Variants in MYH9 observed in about 807,000 individuals in gnomAD.
The protein encoded by MYH9 is myosin-9.
A neutral mutation model predicts 241.9 loss-of-function variants in MYH9; 29 were observed. The ratio of observed to expected loss-of-function variants is 0.12; its 90% CI spans 0.09 to 0.16. The LOEUF (loss-of-function observed/expected upper bound fraction) is 0.16, where lower values mean the gene tolerates loss of function less well. Among genes scored for constraint, MYH9 ranks in the 10% least tolerant of loss-of-function variants. The pLI is 1.00. For missense variants in MYH9, 1,803 were observed against 2,595.5 expected (o/e 0.69, Z 6.63); for synonymous variants, 1,047 against 1,062.6 (o/e 0.99, Z 0.29).
intron 1 of MYH9, chr22:36,364,828 G>A (rs1397122323): frequency 6.6e-6 from 1 of 152,166 alleles, no homozygotes; most frequent in Non-Finnish European, 1.5e-5. Context: ...GAGGTAGACA[G>A]GCTGCCTGTG....
rs930628356 is a variant in MYH9 at position 36,295,787 on chromosome 22, G to A, written c.3273-70C>T. The A allele has an allele frequency of 4.9e-6, 7 of 1,417,430 alleles. No individual in the cohort carries two copies. The highest frequency in any genetic ancestry group is 1.8e-4 in the Middle Eastern group (1 of 5,702). The allele number at this position is 1,417,430 out of a possible 1,614,324, so 87.8% of individuals were successfully genotyped here. A position where few individuals can be genotyped will look rare whatever the true frequency, so the allele number is the denominator to read the frequency against. On this transcript the variant is annotated intron_variant, in intron 25 of 40. Transcript: ENST00000216181. This position sits in a 1 kb window ranked among gnomAD's most constrained non-coding sequence, Gnocchi z 4.1. ...CCAAGGAGCAGAGTTTGCAGGACAG[G>A]CCTGAGAGAGCTGCAGCAGCCAAAG... is the stretch of plus-strand genomic sequence containing the variant.
chr22:36,358,891 T>C lies in MYH9; in HGVS notation c.-19-9636A>G, dbSNP rs755061125. The stretch of plus-strand genomic sequence containing the variant: ...GCTCCACACCTTCACCAGAATAAAA[T>C]CTGCATGCTAAGCAAGCCCTCTAGG... On this transcript the variant is annotated intron_variant, in intron 1 of 40. Coordinates refer to ENST00000216181, the MANE Select transcript of MYH9 (RefSeq NM_002473.6). Among the ~76,000 whole-genome samples, 63 of 152,196 alleles carry C rather than the reference T, an allele frequency of 4.1e-4. 1 individual carries two copies. The highest frequency in any genetic ancestry group is 8.8e-5 in the Non-Finnish European group (6 of 68,038).
chr22:36,380,501 G>A (rs959717828), intron 1 of MYH9, among the ~76,000 whole-genome samples: 2 of 152,208 alleles, frequency 1.3e-5, no homozygotes, highest in Non-Finnish European at 2.9e-5. Flanking sequence ...ACCACTTCGG[G>A]AGGCCAAGCC....
chr22:36,360,222 C>T lies in MYH9; in HGVS notation c.-19-10967G>A, dbSNP rs1338874473. Among the ~76,000 whole-genome samples, 5 of 152,242 alleles carry T rather than the reference C, an allele frequency of 3.3e-5. No homozygotes were observed. In the South Asian group the frequency reaches 8.3e-4, roughly 25 times the overall value. On this transcript the variant is annotated intron_variant, in intron 1 of 40. Transcript: ENST00000216181. ...ACCTGGGCCCTCTGAAAATCAGTTACCAGGAGTCTAGTGACTCTTTCTGCA... is the reference window on the plus strand; with the variant it reads ...ACCTGGGCCCTCTGAAAATCAGTTATCAGGAGTCTAGTGACTCTTTCTGCA...
intron 1 of MYH9, among the ~76,000 whole-genome samples, chr22:36,370,799 G>A (rs887350133): frequency 3.3e-5 from 5 of 152,062 alleles, no homozygotes; most frequent in Non-Finnish European, 5.9e-5. Context: ...GTAGAAGCCC[G>A]GAGCAGAGAG....
chr22:36,348,150 G>C (rs1332159079), intron 2 of MYH9, among the ~76,000 whole-genome samples: 3 of 147,504 alleles, frequency 2.0e-5, no homozygotes, highest in African/African-American at 7.4e-5. Context: ...AATTTTTAAA[G>C]ATATTTAAAA....
rs766738481 is a variant in MYH9 at position 36,349,240 on chromosome 22, G to A, written c.-4C>T. Reference sequence around the variant, plus strand: ...TATCGGCAGCTTGCTGTGCCATGGTGACTTATAGCCAGGACCTAAGCGGGG... The same window carrying A: ...TATCGGCAGCTTGCTGTGCCATGGTAACTTATAGCCAGGACCTAAGCGGGG... On this transcript the variant is annotated 5_prime_UTR_variant, in exon 2 of 41. Coordinates refer to ENST00000216181, the MANE Select transcript of MYH9 (RefSeq NM_002473.6). The A allele has an allele frequency of 3.1e-6, 5 of 1,613,922 alleles. No individual in the cohort carries two copies. Among genetic ancestry groups the A allele is most frequent in the East Asian group, 2.2e-5 (1 of 44,882 alleles).
In MYH9 at chr22:36,347,500, A is replaced by G. The variant is rs190992739; in HGVS notation, c.333+1404T>C. On this transcript the variant is annotated intron_variant, in intron 2 of 40. Coordinates refer to ENST00000216181, the MANE Select transcript of MYH9 (RefSeq NM_002473.6). ...GTAATCCCAGCACTTTGGGAGGCCCAAGCAGAAGAATCACTTGTGCTCAGG... is the reference window on the plus strand; with the variant it reads ...GTAATCCCAGCACTTTGGGAGGCCCGAGCAGAAGAATCACTTGTGCTCAGG... Among the ~76,000 whole-genome samples, 123 of 151,954 alleles carry G rather than the reference A, an allele frequency of 8.1e-4. 2 individuals are homozygous for G. The South Asian group carries it at 0.025, about 31-fold the overall frequency.
At chr22:36,376,112 C>G (rs1206734428) in intron 1 of MYH9, among the ~76,000 whole-genome samples, 1 of 151,758 alleles carries the variant, frequency 6.6e-6, no homozygotes, top group African/African-American at 2.4e-5. Flanking sequence ...CTGGCATGCA[C>G]CACCACACCC....
In MYH9 at chr22:36,285,424, A is replaced by G; in HGVS notation, c.5275-95T>C. 2 of 1,422,592 alleles carry G rather than the reference A, an allele frequency of 1.4e-6. No homozygotes were observed. The highest frequency in any genetic ancestry group is 2.0e-6 in the Non-Finnish European group (2 of 1,020,388). The allele number at this position is 1,422,592 out of a possible 1,614,324, so 88.1% of individuals were successfully genotyped here. A position where few individuals can be genotyped will look rare whatever the true frequency, so the allele number is the denominator to read the frequency against. ...GGAAGGTGGCAGCAGGATCCCACCAAACCCTTGGGGTCCAGAGTCTTGGGT... is the reference window on the plus strand; with the variant it reads ...GGAAGGTGGCAGCAGGATCCCACCAGACCCTTGGGGTCCAGAGTCTTGGGT... On this transcript the variant is annotated intron_variant, in intron 37 of 40. Coordinates refer to ENST00000216181, the MANE Select transcript of MYH9 (RefSeq NM_002473.6). The surrounding 1 kb of genome is among the most constrained non-coding windows in gnomAD (Gnocchi z 7.0).
At chr22:36,322,407 G>C in intron 6 of MYH9, 22 bp downstream of exon 6, 1 of 1,612,416 alleles carries the variant, frequency 6.2e-7, no homozygotes, top group African/African-American at 1.3e-5. Flanking sequence ...CCCCAGAGCC[G>C]GGGCGCCGCC....
chr22:36,325,429 G>A (rs1296005918), intron 5 of MYH9, among the ~76,000 whole-genome samples: 3 of 152,186 alleles, frequency 2.0e-5, no homozygotes, highest in African/African-American at 4.8e-5. Context: ...CACCGGGAGC[G>A]GCCAAGCTCC....
At position 36,330,483 on chromosome 22, in the gene MYH9, C is replaced by T. The variant is rs1440889932; in HGVS notation, c.491-2995G>A. On this transcript the variant is annotated intron_variant, in intron 3 of 40. Transcript: ENST00000216181. This position sits in a 1 kb window ranked among gnomAD's most constrained non-coding sequence, Gnocchi z 4.5. ...TTGTAATGTACAAAGCAGGTATTAT[C>T]ATCATTGTTTTGCCATCTTTCCACA... Among the ~76,000 whole-genome samples the T allele has an allele frequency of 6.6e-6, 1 of 152,176 alleles. No homozygotes were observed. The highest frequency in any genetic ancestry group is 1.5e-5 in the Non-Finnish European group (1 of 68,026).
At position 36,330,209 on chromosome 22, in the gene MYH9, A is replaced by G. The variant is rs2017400659; in HGVS notation, c.491-2721T>C. Reference sequence around the variant, plus strand: ...TTACCACTGTCAACACAGCCTAACCATACCTTAAAGAAATCTGGATTTGTT... The same window carrying G: ...TTACCACTGTCAACACAGCCTAACCGTACCTTAAAGAAATCTGGATTTGTT... On this transcript the variant is annotated intron_variant, in intron 3 of 40. Coordinates refer to ENST00000216181, the MANE Select transcript of MYH9 (RefSeq NM_002473.6). The surrounding 1 kb of genome is among the most constrained non-coding windows in gnomAD (Gnocchi z 4.5). 6.6e-6 allele frequency among the ~76,000 whole-genome samples: 1 copy of G among 152,198 alleles called. No homozygotes were observed. The highest frequency in any genetic ancestry group is 1.5e-5 in the Non-Finnish European group (1 of 68,038).
At chr22:36,287,856 T>C (rs150052672) in intron 34 of MYH9, among the ~76,000 whole-genome samples, 4 of 152,338 alleles carry the variant, frequency 2.6e-5, no homozygotes, top group African/African-American at 9.6e-5. Flanking sequence ...GAGGTGAAGA[T>C]TTCCAAGTAT....
Position 36,305,198 on chromosome 22 carries a change from A to G in MYH9, c.2160-96T>C. ...GAGATTAACATCATTTCTACAATGC[A>G]ACAGACACAGAATTCTTTACACAAA... On this transcript the variant is annotated intron_variant, in intron 17 of 40. Transcript: ENST00000216181. The surrounding 1 kb of genome is among the most constrained non-coding windows in gnomAD (Gnocchi z 4.7). The G allele has an allele frequency of 9.3e-7, 1 of 1,080,412 alleles. No individual in the cohort carries two copies. The highest frequency in any genetic ancestry group is 1.6e-5 in the African/African-American group (1 of 64,470). 66.9% of individuals were successfully genotyped at this position (1,080,412 alleles called of 1,614,324 possible).
chr22:36,336,580 A>G (rs936318940), intron 3 of MYH9, among the ~76,000 whole-genome samples: 1 of 152,264 alleles, frequency 6.6e-6, no homozygotes, highest in Non-Finnish European at 1.5e-5. Flanking sequence ...CAAGGCAGGA[A>G]GACCCAGGAA....
intron 1 of MYH9, among the ~76,000 whole-genome samples, chr22:36,350,628 G>A (rs1479338158): frequency 6.6e-6 from 1 of 152,230 alleles, no homozygotes; most frequent in Admixed American, 6.5e-5. Context: ...TATCTCGAAA[G>A]GTCTTTGTAG....
At chr22:36,298,578 G>A (rs553230738) in intron 24 of MYH9, among the ~76,000 whole-genome samples, 4 of 152,284 alleles carry the variant, frequency 2.6e-5, no homozygotes, top group Non-Finnish European at 5.9e-5. Flanking sequence ...AGTGAGTCCT[G>A]TGGGTCAAAC....
Sources: gnomAD v4.1 joint callset for allele counts (sites outside exome capture counted in the v4.1 genomes callset) on GRCh38, gnomAD v4.1.1 for gene constraint, Gnocchi (gnomAD v3.1) non-coding constraint, MANE v1.5 for transcripts, NCBI Gene and HGNC (gene_info 2026-07-23, HGNC 2026-07-21) for gene names.